NBN: variants seen among roughly 807,000 people sequenced by gnomAD.
NBN encodes nibrin, also known as Nijmegen breakage syndrome 1 (nibrin).
NBN carries 88 observed loss-of-function variants against 90.8 expected under a neutral mutation model. That is an observed-to-expected ratio of 0.97 (90% CI 0.82 to 1.16). NBN has a LOEUF of 1.16. Among genes scored for constraint, NBN ranks in the 50% most tolerant of loss-of-function variants. The probability of loss-of-function intolerance (pLI) is 0.00; values close to 1 mark genes in which losing one functional copy is unlikely to be tolerated. For synonymous variants in NBN, 328 were observed against 295.1 expected (o/e 1.11, Z -1.14); for missense variants, 894 against 869.6 (o/e 1.03, Z -0.35).
intron 8 of NBN, among the ~76,000 whole-genome samples, chr8:89,960,290 T>C (rs11998021): frequency 0.069 from 10,473 of 152,222 alleles, 1,080 homozygotes; most frequent in African/African-American, 0.23. Flanking sequence ...CACATATCTC[T>C]AGAATTCATT....
intron 9 of NBN, among the ~76,000 whole-genome samples, chr8:89,956,961 G>A (rs1810742569): frequency 1.3e-5 from 2 of 152,270 alleles, no homozygotes; most frequent in Admixed American, 1.3e-4. Flanking sequence ...AACCTATGCT[G>A]CCAATTGTAT....
Position 89,953,321 on chromosome 8 carries a change from T to C in NBN, c.1768A>G (p.Arg590Gly). 1 of 1,613,522 alleles carries C rather than the reference T, an allele frequency of 6.2e-7. No individual in the cohort carries two copies. Among genetic ancestry groups the C allele is most frequent in the Non-Finnish European group, 8.5e-7 (1 of 1,179,812 alleles). ...VQKQEEDVNVRKRPRMDIETN... is the reference protein window; with the variant it reads ...VQKQEEDVNVGKRPRMDIETN... ...TCTATATCCATCCTTGGCCTTTTTC[T>C]AACATTGACATCTTCCTCCTGTTTT... Residue 590 changes from arginine to glycine, a missense_variant, in exon 11 of 16, where the codon AGA (arginine) becomes GGA (glycine). Coordinates refer to ENST00000265433, the MANE Select transcript of NBN (RefSeq NM_002485.5).
intron 4 of NBN, among the ~76,000 whole-genome samples, chr8:89,978,793 T>C (rs989185376): frequency 6.6e-6 from 1 of 152,148 alleles, no homozygotes; most frequent in African/African-American, 2.4e-5. Flanking sequence ...TAAAGCCTTT[T>C]TGAGAAAGTA....
At chr8:89,981,284 T>C (rs1812051010) in intron 3 of NBN, 91 bp downstream of exon 3, 5 of 1,392,870 alleles carry the variant, frequency 3.6e-6, no homozygotes, top group Non-Finnish European at 5.1e-6. Context: ...AATTATACTG[T>C]TTTAAATTCA....
Position 89,953,536 on chromosome 8 carries a change from G to C in NBN, c.1553C>G (p.Ser518Ter), listed in dbSNP as rs1060503480. The part of the protein sequence containing the change: ...LSENEPVDTN[S>*]DNNLFTDTDL... ...TGTATCTGTAAATAAGTTATTGTCTGAGTTTGTGTCCACAGGCTCATTCTC... is the reference window on the plus strand; with the variant it reads ...TGTATCTGTAAATAAGTTATTGTCTCAGTTTGTGTCCACAGGCTCATTCTC... The change falls in exon 11 of 16, where the codon TCA (serine) becomes TGA (stop). Residue 518 changes from serine to a stop codon, truncating the protein, a stop_gained. Transcript: ENST00000265433. LOFTEE classifies it high-confidence loss of function. The C allele has an allele frequency of 1.2e-6, 2 of 1,613,752 alleles. No homozygotes were observed. Among genetic ancestry groups the C allele is most frequent in the Admixed American group, 1.7e-5 (1 of 60,002 alleles).
chr8:89,984,319 C>T lies in NBN; in HGVS notation c.37+206G>A, dbSNP rs536226533. 84 of 633,114 alleles carry T rather than the reference C, an allele frequency of 1.3e-4. No homozygotes were observed. The African/African-American group carries it at 1.4e-3, about 11-fold the overall frequency. 39.2% of individuals were successfully genotyped at this position (633,114 alleles called of 1,614,324 possible). A position where few individuals can be genotyped will look rare whatever the true frequency, so the allele number is the denominator to read the frequency against. On this transcript the variant is annotated intron_variant, in intron 1 of 15. Coordinates refer to ENST00000265433, the MANE Select transcript of NBN (RefSeq NM_002485.5). ...CCACCAGGGGGCGCCGCAATCACCCCACCGCCCGCGCTGAATTCCAGCTCA... is the reference window on the plus strand; with the variant it reads ...CCACCAGGGGGCGCCGCAATCACCCTACCGCCCGCGCTGAATTCCAGCTCA...
intron 10 of NBN, 127 bp downstream of exon 10, chr8:89,955,156 C>T (rs376070761): frequency 4.3e-5 from 38 of 876,242 alleles, no homozygotes; most frequent in Non-Finnish European, 5.7e-5. Flanking sequence ...AGAGGGAAAG[C>T]GGTCAAAAAG....
chr8:89,966,446 T>C (rs929066595), intron 7 of NBN, among the ~76,000 whole-genome samples: 5 of 152,178 alleles, frequency 3.3e-5, no homozygotes, highest in Non-Finnish European at 7.4e-5. Context: ...ATATCATTCA[T>C]TTATAATAAT....
chr8:89,971,367 G>A, intron 5 of NBN, 77 bp from the exon 6 acceptor site: 6 of 1,486,966 alleles, frequency 4.0e-6, no homozygotes, highest in Non-Finnish European at 4.5e-6. Context: ...GTGACTATCT[G>A]ACACTCAAAA....
At chr8:89,972,286 T>C (rs192939843) in intron 5 of NBN, among the ~76,000 whole-genome samples, 79 of 152,352 alleles carry the variant, frequency 5.2e-4, no homozygotes, top group Admixed American at 3.5e-3. Flanking sequence ...TACAATACTT[T>C]AAAATTTTTT....
chr8:89,974,835 T>G (rs1409164577), intron 5 of NBN, among the ~76,000 whole-genome samples: 1 of 152,220 alleles, frequency 6.6e-6, no homozygotes, highest in Non-Finnish European at 1.5e-5. Flanking sequence ...GGCTTTGCAT[T>G]CTTGGCCTAT....
rs1484573226 is a variant in NBN, at chr8:89,982,564, C to G, written c.171+158G>C. On this transcript the variant is annotated intron_variant, in intron 2 of 15. Coordinates refer to ENST00000265433, the MANE Select transcript of NBN (RefSeq NM_002485.5). The stretch of plus-strand genomic sequence containing the variant: ...TGAACAAATACCACTGGTACCACTG[C>G]CACAATATAAGTATTTAATTTTGTT... The G allele has an allele frequency of 9.0e-6, 6 of 668,652 alleles. No homozygotes were observed. In the African/African-American group the frequency reaches 1.1e-4, roughly 12 times the overall value. The allele number at this position is 668,652 out of a possible 1,614,324, so 41.4% of individuals were successfully genotyped here.
rs1407715127 is a variant in NBN at position 89,955,648 on chromosome 8, T to C, written c.1125-93A>G. ...ATCGTTAAATAGTTCTAACGTAATA[T>C]AACCTTAGAAGATAATTTTTAGACA... On this transcript the variant is annotated intron_variant, in intron 9 of 15. Coordinates refer to ENST00000265433, the MANE Select transcript of NBN (RefSeq NM_002485.5). 9 of 1,359,964 alleles carry C rather than the reference T, an allele frequency of 6.6e-6. No individual in the cohort carries two copies. In the African/African-American group the frequency reaches 8.8e-5, roughly 13 times the overall value. 84.2% of individuals were successfully genotyped at this position (1,359,964 alleles called of 1,614,324 possible).
At chr8:89,969,248 T>G (rs527286827) in intron 7 of NBN, among the ~76,000 whole-genome samples, 1 of 152,228 alleles carries the variant, frequency 6.6e-6, no homozygotes, top group African/African-American at 2.4e-5. Context: ...AATTAAAGTC[T>G]AAGAAAAATC....
intron 7 of NBN, 26 bp from the exon 8 acceptor site, chr8:89,964,533 T>G: frequency 6.4e-7 from 1 of 1,562,642 alleles, no homozygotes; most frequent in Non-Finnish European, 8.8e-7. Context: ...AGTTTAAGTA[T>G]GATAATATAT....
At chr8:89,981,730 C>A (rs1749705179) in intron 2 of NBN, 1 of 594,068 alleles carries the variant, frequency 1.7e-6, no homozygotes, top group Non-Finnish European at 2.9e-6. Flanking sequence ...CCCAGGAATA[C>A]CCCTCCTAGA....
rs534233213 is a variant in NBN at position 89,947,722 on chromosome 8, T to C, written c.1914+102A>G. 4.4e-6 allele frequency: 3 copies of C among 685,746 alleles called. No individual in the cohort carries two copies. In the East Asian group the frequency reaches 8.4e-5, roughly 19 times the overall value. The allele number at this position is 685,746 out of a possible 1,614,324, so 42.5% of individuals were successfully genotyped here. ...GCACAATCATGAAGTAAGCCATAAT[T>C]AGGAAAGAGAAATAATCCTAAGAAT... On this transcript the variant is annotated intron_variant, in intron 12 of 15. Transcript: ENST00000265433.
chr8:89,933,586 A>G lies in NBN; in HGVS notation c.*1996T>C. 1 of 229,662 alleles carries G rather than the reference A, an allele frequency of 4.4e-6. No homozygotes were observed. Among genetic ancestry groups the G allele is most frequent in the Non-Finnish European group, 8.6e-6 (1 of 115,872 alleles). The allele number at this position is 229,662 out of a possible 1,614,324, so 14.2% of individuals were successfully genotyped here. ...CAATGACTGGATACTTGTATGGGGGAAAAAAAGAACCCTGATCCATAATTC... is the reference window on the plus strand; with the variant it reads ...CAATGACTGGATACTTGTATGGGGGGAAAAAAGAACCCTGATCCATAATTC... On this transcript the variant is annotated 3_prime_UTR_variant, in exon 16 of 16. Coordinates refer to ENST00000265433, the MANE Select transcript of NBN (RefSeq NM_002485.5).
chr8:89,939,766 A>C (rs1032963206), intron 14 of NBN, among the ~76,000 whole-genome samples: 9 of 152,244 alleles, frequency 5.9e-5, no homozygotes, highest in Non-Finnish European at 8.8e-5. Flanking sequence ...CTAATGGTGT[A>C]GAAGGTAAAG....
Sources: allele counts gnomAD v4.1 joint callset (sites outside exome capture counted in the v4.1 genomes callset), GRCh38; gene constraint gnomAD v4.1.1; transcripts MANE v1.5; gene names NCBI Gene and HGNC (gene_info 2026-07-23, HGNC 2026-07-21).